C1QBP: variants seen among roughly 807,000 people sequenced by gnomAD.
C1QBP encodes complement component 1 Q subcomponent-binding protein, mitochondrial.
C1QBP carries 24 observed loss-of-function variants against 29.4 expected under a neutral mutation model. The observed-to-expected ratio is 0.82, with a 90% CI of 0.59 to 1.15. The LOEUF (loss-of-function observed/expected upper bound fraction) is 1.15, where lower values mean the gene tolerates loss of function less well. Among genes scored for constraint, C1QBP ranks in the 50% most tolerant of loss-of-function variants. The pLI is 0.00. For missense variants in C1QBP, 337 were observed against 355.8 expected (o/e 0.95, Z 0.43); for synonymous variants, 182 against 149.2 (o/e 1.22, Z -1.60).
chr17:5,438,892 G>A lies in C1QBP; in HGVS notation c.182C>T (p.Pro61Leu), dbSNP rs1264868298. 20 of 1,540,820 alleles carry A rather than the reference G, an allele frequency of 1.3e-5. No individual in the cohort carries two copies. The highest frequency in any genetic ancestry group is 7.5e-5 in the East Asian group (3 of 39,904). The change falls in exon 1 of 6, where the codon CCT (proline) becomes CTT (leucine). Residue 61 changes from proline to leucine, a missense_variant. Pro to Leu is a moderately conservative substitution (Grantham distance 98, BLOSUM62 -3). Transcript: ENST00000225698. Reference sequence around the variant, plus strand: ...ACAGCCACAGGCGCAGGGTCCGCGAGGCCGCAGGAGGCCCGGCCGCCGCTC... The same window carrying A: ...ACAGCCACAGGCGCAGGGTCCGCGAAGCCGCAGGAGGCCCGGCCGCCGCTC... ...GSERRPGLLR[P>L]RGPCACGCGC...
In C1QBP at chr17:5,434,464, CTTTTTTTTTTTT is replaced by C. The variant is rs576803401; in HGVS notation, c.477+397_477+408del. ...CTTATGCCCCTGCCATTCTCTCTCT[CTTTTTTTTTTTT>C]TTTTTTTTTTGAGACAGAGTCTTGC... is the stretch of plus-strand genomic sequence containing the variant. On this transcript the variant is annotated intron_variant, in intron 3 of 5. Transcript: ENST00000225698. 8.2e-5 allele frequency among the ~76,000 whole-genome samples: 8 copies of C among 97,846 alleles called. No homozygotes were observed. In the East Asian group the frequency reaches 1.9e-3, roughly 23 times the overall value. 64.2% of individuals were successfully genotyped at this position (97,846 alleles called of 152,430 possible). A position where few individuals can be genotyped will look rare whatever the true frequency, so the allele number is the denominator to read the frequency against.
In C1QBP at chr17:5,438,044, G is replaced by A. The variant is rs41315134; in HGVS notation, c.383+79C>T. On this transcript the variant is annotated intron_variant, in intron 2 of 5. Transcript: ENST00000225698. ...CAAAGTATCCACACCTGAACTCAAG[G>A]CTCTTCTGGGGATGACCCAGGATGG... 6.0e-4 allele frequency: 912 copies of A among 1,518,224 alleles called. 10 individuals are homozygous for A. The African/African-American group carries it at 0.012, about 19-fold the overall frequency. The allele number at this position is 1,518,224 out of a possible 1,614,324, so 94.0% of individuals were successfully genotyped here.
chr17:5,437,001 C>T (rs1169345854), intron 2 of C1QBP, among the ~76,000 whole-genome samples: 5 of 152,002 alleles, frequency 3.3e-5, no homozygotes, highest in African/African-American at 4.8e-5. Flanking sequence ...AGCAAGACTC[C>T]GTGGGGTTGG....
chr17:5,435,823 A>T lies in C1QBP; in HGVS notation c.384-857T>A, dbSNP rs1325918517. Among the ~76,000 whole-genome samples, 1,069 of 146,508 alleles carry T rather than the reference A, an allele frequency of 7.3e-3. 12 individuals carry two copies. The highest frequency in any genetic ancestry group is 0.026 in the African/African-American group (987 of 37,754). On this transcript the variant is annotated intron_variant, in intron 2 of 5. Transcript: ENST00000225698. ...GGTGGGCAGATCACGAGGTCAAGAG[A>T]TCGAGACCATCCTGGCCAACACGAT...
intron 3 of C1QBP, chr17:5,434,225 T>C (rs1259241960): frequency 4.8e-5 from 10 of 206,840 alleles, no homozygotes; most frequent in East Asian, 2.6e-4. Flanking sequence ...GGGAGCAGAC[T>C]GGGTCCAACG....
chr17:5,437,817 C>A (rs1567592792), intron 2 of C1QBP, among the ~76,000 whole-genome samples: 1 of 152,172 alleles, frequency 6.6e-6, no homozygotes, highest in Non-Finnish European at 1.5e-5. Context: ...TTCATTTTCA[C>A]CCATACTAAA....
rs1452415247 is a variant in C1QBP at position 5,438,188 on chromosome 17, A to G, written c.318T>C (p.Ser106=). 6.2e-7 allele frequency: 1 copy of G among 1,613,760 alleles called. No homozygotes were observed. The highest frequency in any genetic ancestry group is 8.5e-7 in the Non-Finnish European group (1 of 1,180,034). The change falls in exon 2 of 6, where the codon TCT becomes TCC. Residue 106 remains serine, a synonymous_variant. Transcript: ENST00000225698. ...CATTCAGTTCCAGCTCCCAACCTCC[A>G]GACATCTTAGGGAGGGTTTTATGCT... ...IQKHKTLPKM[S]GGWELELNGT... is the part of the protein sequence containing the mutation.
chr17:5,434,250 G>T (rs1303667360), intron 3 of C1QBP: 1 of 199,588 alleles, frequency 5.0e-6, no homozygotes, highest in African/African-American at 2.4e-5. Context: ...GGAGATGCTA[G>T]TTGGGGTGGC....
Position 5,435,420 on chromosome 17 carries a change from G to A in C1QBP, c.384-454C>T, listed in dbSNP as rs564003251. 1.8e-4 allele frequency among the ~76,000 whole-genome samples: 28 copies of A among 152,240 alleles called. No homozygotes were observed. In the South Asian group the frequency reaches 2.9e-3, roughly 16 times the overall value. On this transcript the variant is annotated intron_variant, in intron 2 of 5. Transcript: ENST00000225698. Reference sequence around the variant, plus strand: ...GAAGCCCCTTTAAGAGACTTTCCCCGTCAGAAAATTTGCCCTGCAAGGAAA... The same window carrying A: ...GAAGCCCCTTTAAGAGACTTTCCCCATCAGAAAATTTGCCCTGCAAGGAAA...
intron 1 of C1QBP, 75 bp from the exon 2 acceptor site, chr17:5,438,348 C>A: frequency 6.6e-7 from 1 of 1,516,986 alleles, no homozygotes; most frequent in Non-Finnish European, 8.9e-7. Context: ...CAGGTTATTG[C>A]AGCCAGAAAC....
At chr17:5,434,291 G>A (rs992431834) in intron 3 of C1QBP, among the ~76,000 whole-genome samples, 2 of 152,138 alleles carry the variant, frequency 1.3e-5, no homozygotes, top group African/African-American at 4.8e-5. Flanking sequence ...GAGCTGCGCC[G>A]TCCACACCAG....
At chr17:5,435,534 G>A (rs114986790) in intron 2 of C1QBP, among the ~76,000 whole-genome samples, 1 of 152,194 alleles carries the variant, frequency 6.6e-6, no homozygotes, top group African/African-American at 2.4e-5. Context: ...AAGGGCTGTA[G>A]TAGAGACTCA....
At chr17:5,433,189 TAAAA>T in intron 5 of C1QBP, 25 bp from the exon 6 acceptor site, 1 of 1,601,040 alleles carries the variant, frequency 6.2e-7, no homozygotes, top group Non-Finnish European at 8.5e-7. Flanking sequence ...ATTTACTAGT[TAAAA>T]AAAAATCTGT....
chr17:5,433,464 A>G (rs766381837), intron 4 of C1QBP, 49 bp from the exon 5 acceptor site: 2 of 1,612,544 alleles, frequency 1.2e-6, no homozygotes, highest in East Asian at 4.5e-5. Context: ...AGGACAAGCT[A>G]GACTCAGGGG....
In C1QBP at chr17:5,435,916, C is replaced by T. The variant is rs957885727; in HGVS notation, c.384-950G>A. On this transcript the variant is annotated intron_variant, in intron 2 of 5. Transcript: ENST00000225698. The stretch of plus-strand genomic sequence containing the variant: ...AAAAAATTAGCTGGGCGTGGTGGTA[C>T]GCGCCTGTAATCCCAGCTACTCAGG... Among the ~76,000 whole-genome samples, 10 of 148,350 alleles carry T rather than the reference C, an allele frequency of 6.7e-5. 1 individual carries two copies. The highest frequency in any genetic ancestry group is 2.3e-4 in the African/African-American group (9 of 39,240).
In C1QBP at chr17:5,433,430, T is replaced by C. The variant is rs1209071265; in HGVS notation, c.577-15A>G. 12 of 1,613,822 alleles carry C rather than the reference T, an allele frequency of 7.4e-6. No individual in the cohort carries two copies. The highest frequency in any genetic ancestry group is 9.3e-6 in the Non-Finnish European group (11 of 1,179,978). On this transcript the variant is annotated splice_polypyrimidine_tract_variant and intron_variant, in intron 4 of 5. Coordinates refer to ENST00000225698, the MANE Select transcript of C1QBP (RefSeq NM_001212.4). Reference sequence around the variant, plus strand: ...TCTTGTCCAACCTGAGAAGAAACAATATTGGGAAACTGAAGGGTTCTCCAG... The same window carrying C: ...TCTTGTCCAACCTGAGAAGAAACAACATTGGGAAACTGAAGGGTTCTCCAG...
chr17:5,438,338 C>T (rs1400234873), intron 1 of C1QBP, 65 bp from the exon 2 acceptor site: 17 of 1,549,998 alleles, frequency 1.1e-5, no homozygotes, highest in African/African-American at 6.9e-5. Context: ...AACTATTACC[C>T]AGGTTATTGC....
At chr17:5,435,506 G>C (rs1246500381) in intron 2 of C1QBP, among the ~76,000 whole-genome samples, 1 of 152,022 alleles carries the variant, frequency 6.6e-6, no homozygotes, top group Non-Finnish European at 1.5e-5. Context: ...ACGGGGAAGG[G>C]AATGCCTCAC....
At chr17:5,435,457 T>C (rs1212551299) in intron 2 of C1QBP, among the ~76,000 whole-genome samples, 3 of 152,090 alleles carry the variant, frequency 2.0e-5, no homozygotes, top group Non-Finnish European at 4.4e-5. Context: ...GAAGAAGCGA[T>C]GGAGGGTGCC....
Sources: allele counts gnomAD v4.1 joint callset (sites outside exome capture counted in the v4.1 genomes callset), GRCh38; gene constraint gnomAD v4.1.1; transcripts MANE v1.5; gene names NCBI Gene and HGNC (gene_info 2026-07-23, HGNC 2026-07-21).